Variants in ACTB observed in about 807,000 individuals in gnomAD.
ACTB encodes the protein actin beta, also known as actin, cytoplasmic 1.
In ACTB, 2 loss-of-function variants were observed where a neutral mutation model predicts 30.5. The observed-to-expected ratio is 0.07, with a 90% CI of 0.03 to 0.21. The LOEUF (loss-of-function observed/expected upper bound fraction) is 0.21, where lower values mean the gene tolerates loss of function less well. ACTB is among the 10% of genes least tolerant of loss of function. The pLI is 1.00. For synonymous variants in ACTB, 335 were observed against 217.6 expected (o/e 1.54, Z -4.75); for missense variants, 56 against 530.0 (o/e 0.11, Z 8.78).
Position 5,527,280 on chromosome 7 carries a change from A to AG in ACTB, c.*467dup, listed in dbSNP as rs567790396. 69 of 243,684 alleles carry AG rather than the reference A, an allele frequency of 2.8e-4. No homozygotes were observed. Among genetic ancestry groups the AG allele is most frequent in the African/African-American group, 7.3e-4 (31 of 42,242 alleles). 15.1% of individuals were successfully genotyped at this position (243,684 alleles called of 1,614,324 possible). On this transcript the variant is annotated 3_prime_UTR_variant, in exon 6 of 6. Coordinates refer to ENST00000646664, the MANE Select transcript of ACTB (RefSeq NM_001101.5). ...CAAGTTGGGGGACAAAAAAGGGGGA[A>AG]GGGGGGGCACGAAGGCTCATCATTC...
chr7:5,530,305 GCGCGCCTCCCGAGCGCGGCCT>G (rs952400815), intron 1 of ACTB, among the ~76,000 whole-genome samples, 198 bp downstream of exon 1: 4 of 152,062 alleles, frequency 2.6e-5, no homozygotes, highest in Admixed American at 6.5e-5. Flanking sequence ...CACCCCCGGA[GCGCGCCTCCCGAGCGCGGCCT>G]CGCGCCTCCG....
intron 4 of ACTB, 22 bp from the exon 5 acceptor site, chr7:5,528,207 G>C (rs375036292): frequency 6.8e-6 from 11 of 1,613,782 alleles, no homozygotes; most frequent in Non-Finnish European, 2.5e-6. Context: ...ATGAGGGCAG[G>C]ACTTAGCTTC....
rs200855679 is a variant in ACTB at position 5,528,750 on chromosome 7, G to A, written c.364-31C>T. The A allele has an allele frequency of 4.5e-5, 73 of 1,610,974 alleles. No homozygotes were observed. The African/African-American group carries it at 7.7e-4, about 17-fold the overall frequency. On this transcript the variant is annotated intron_variant, in intron 3 of 5. Coordinates refer to ENST00000646664, the MANE Select transcript of ACTB (RefSeq NM_001101.5). ...AGGCAGAGATACACCATGTCACACTGGGGAAGCCACTGGGGACAGCCAGGC... is the reference window on the plus strand; with the variant it reads ...AGGCAGAGATACACCATGTCACACTAGGGAAGCCACTGGGGACAGCCAGGC...
chr7:5,529,433 G>A (rs774497637), intron 2 of ACTB, 33 bp from the exon 3 acceptor site: 2 of 1,613,662 alleles, frequency 1.2e-6, no homozygotes, highest in South Asian at 1.1e-5. Flanking sequence ...CCCTGAGCAC[G>A]GGCGCAGCCC....
rs1343718957 is a variant in ACTB at position 5,527,537 on chromosome 7, C to T, written c.*211G>A. ...AACAACAATGTGCAATCAAAGTCCT[C>T]GGCCACATTGTGAACTTTGGGGGAT... On this transcript the variant is annotated 3_prime_UTR_variant, in exon 6 of 6. Transcript: ENST00000646664. The T allele has an allele frequency of 1.2e-5, 9 of 740,948 alleles. No homozygotes were observed. Among genetic ancestry groups the T allele is most frequent in the Middle Eastern group, 3.9e-4 (1 of 2,552 alleles). 45.9% of individuals were successfully genotyped at this position (740,948 alleles called of 1,614,324 possible).
intron 3 of ACTB, 121 bp downstream of exon 3, chr7:5,529,029 CCAAAGGAGACT>C: frequency 1.2e-6 from 2 of 1,612,122 alleles, no homozygotes; most frequent in South Asian, 2.2e-5. Context: ...CTGCAGAGTT[CCAAAGGAGACT>C]CAGGTCAGAG....
chr7:5,529,874 C>T (rs1490866041), intron 1 of ACTB: 7 of 802,312 alleles, frequency 8.7e-6, no homozygotes, highest in Admixed American at 2.2e-5. Context: ...CCAACCCCCT[C>T]CCAACCGGGC....
chr7:5,528,761 T>C lies in ACTB; in HGVS notation c.364-42A>G, dbSNP rs1210606551. ...CACCATGTCACACTGGGGAAGCCAC[T>C]GGGGACAGCCAGGCCAGACGGGGGA... On this transcript the variant is annotated intron_variant, in intron 3 of 5. Transcript: ENST00000646664. The C allele has an allele frequency of 3.1e-6, 5 of 1,605,056 alleles. No individual in the cohort carries two copies. The African/African-American group carries it at 5.4e-5, about 17-fold the overall frequency.
Position 5,529,710 on chromosome 7 carries a change from T to C in ACTB, c.-6-47A>G. The C allele has an allele frequency of 2.5e-6, 4 of 1,609,558 alleles. No homozygotes were observed. In the South Asian group the frequency reaches 3.3e-5, roughly 13 times the overall value. ...CTGTGAGCCGAGGTCGCCCCCGCCC[T>C]GGCCACTTCCGGCGCGCCGAGTCCT... On this transcript the variant is annotated intron_variant, in intron 1 of 5. Transcript: ENST00000646664.
intron 3 of ACTB, 55 bp from the exon 4 acceptor site, chr7:5,528,774 GC>G: frequency 1.3e-6 from 2 of 1,586,608 alleles, no homozygotes; most frequent in Middle Eastern, 1.7e-4. Flanking sequence ...GGACAGCCAG[GC>G]CAGACGGGGG....
In ACTB at chr7:5,527,838, C is replaced by T. The variant is rs1397721512; in HGVS notation, c.1038G>A (p.Leu346=). 1 of 1,612,430 alleles carries T rather than the reference C, an allele frequency of 6.2e-7. No individual in the cohort carries two copies. The highest frequency in any genetic ancestry group is 8.5e-7 in the Non-Finnish European group (1 of 1,179,524). Residue 346 remains leucine, a synonymous_variant, in exon 6 of 6, where the codon CTG becomes CTA. Transcript: ENST00000646664. ...KYSVWIGGSI[L]ASLSTFQQMW... ...TCTGCTGGAAGGTGGACAGCGAGGC[C>T]AGGATGGAGCCGCCGATCCACACGG...
intron 1 of ACTB, 48 bp from the exon 2 acceptor site, chr7:5,529,711 G>A (rs1207486437): frequency 1.9e-6 from 3 of 1,609,148 alleles, no homozygotes; most frequent in African/African-American, 1.3e-5. Flanking sequence ...CCCCCGCCCT[G>A]GCCACTTCCG....
At chr7:5,529,726 G>A (rs1299645614) in intron 1 of ACTB, 63 bp from the exon 2 acceptor site, 11 of 1,607,144 alleles carry the variant, frequency 6.8e-6, no homozygotes, top group East Asian at 4.5e-5. Flanking sequence ...CTTCCGGCGC[G>A]CCGAGTCCTT....
At position 5,528,444 on chromosome 7, in the gene ACTB, C is replaced by T. The variant is rs1333956178; in HGVS notation, c.639G>A (p.Lys213=). ...CCAGGGCGACGTAGCACAGCTTCTC[C>T]TTAATGTCACGCACGATTTCCCGCT... ...TAEREIVRDI[K]EKLCYVALDF... The change falls in exon 4 of 6, where the codon AAG becomes AAA. Residue 213 remains lysine (K), a synonymous_variant. Coordinates refer to ENST00000646664, the MANE Select transcript of ACTB (RefSeq NM_001101.5). The T allele has an allele frequency of 3.1e-6, 5 of 1,614,030 alleles. No individual in the cohort carries two copies. Among genetic ancestry groups the T allele is most frequent in the Non-Finnish European group, 3.4e-6 (4 of 1,180,052 alleles).
rs797044950 is a variant in ACTB, at chr7:5,528,546, G to A, written c.537C>T (p.Asp179=). 3.1e-6 allele frequency: 5 copies of A among 1,613,918 alleles called. No individual in the cohort carries two copies. Among genetic ancestry groups the A allele is most frequent in the Middle Eastern group, 1.6e-4 (1 of 6,084 alleles). Residue 179 remains aspartate, a synonymous_variant, in exon 4 of 6, where the codon GAC becomes GAT. Coordinates refer to ENST00000646664, the MANE Select transcript of ACTB (RefSeq NM_001101.5). ...AGTCAGTCAGGTCCCGGCCAGCCAGGTCCAGACGCAGGATGGCATGGGGGA... is the reference window on the plus strand; with the variant it reads ...AGTCAGTCAGGTCCCGGCCAGCCAGATCCAGACGCAGGATGGCATGGGGGA... ...YALPHAILRL[D]LAGRDLTDYL...
chr7:5,528,591 G>A lies in ACTB; in HGVS notation c.492C>T (p.Pro164=), dbSNP rs1784814781. ...GGGGGAGGGCATACCCCTCGTAGATGGGCACAGTGTGGGTGACCCCGTCAC... is the reference window on the plus strand; with the variant it reads ...GGGGGAGGGCATACCCCTCGTAGATAGGCACAGTGTGGGTGACCCCGTCAC... ...DSGDGVTHTV[P]IYEGYALPHA... is the part of the protein sequence containing the mutation. The change falls in exon 4 of 6, where the codon CCC becomes CCT. Residue 164 remains proline (P), a synonymous_variant. Transcript: ENST00000646664. 1.9e-6 allele frequency: 3 copies of A among 1,613,900 alleles called. No homozygotes were observed. The highest frequency in any genetic ancestry group is 1.3e-5 in the African/African-American group (1 of 74,940).
At chr7:5,528,900 C>CCTCATG in intron 3 of ACTB, 181 bp from the exon 4 acceptor site, 1 of 1,432,420 alleles carries the variant, frequency 7.0e-7, no homozygotes. Flanking sequence ...TTTACACCAG[C>CCTCATG]CTCATGGCCT....
chr7:5,529,050 G>A lies in ACTB; in HGVS notation c.363+111C>T, dbSNP rs1378986902. ...AGTTCCAAAGGAGACTCAGGTCAGA[G>A]AAGAGAGTCCTACGGAAAACGGCAG... On this transcript the variant is annotated intron_variant, in intron 3 of 5. Transcript: ENST00000646664. 11 of 1,613,072 alleles carry A rather than the reference G, an allele frequency of 6.8e-6. No homozygotes were observed. In the East Asian group the frequency reaches 1.1e-4, roughly 16 times the overall value.
chr7:5,527,897 G>A lies in ACTB; in HGVS notation c.985-6C>T, dbSNP rs182943508. 722 of 1,612,984 alleles carry A rather than the reference G, an allele frequency of 4.5e-4. 5 individuals are homozygous for A. The African/African-American group carries it at 8.7e-3, about 20-fold the overall frequency. The stretch of plus-strand genomic sequence containing the variant: ...CGCTCAGGAGGAGCAATGATCTGAG[G>A]AGGGAAGGGGACAGGCAGTGAGGAC... On this transcript the variant is annotated splice_polypyrimidine_tract_variant and splice_region_variant and intron_variant, in intron 5 of 5. Coordinates refer to ENST00000646664, the MANE Select transcript of ACTB (RefSeq NM_001101.5).
Sources: gnomAD v4.1 joint callset for allele counts (sites outside exome capture counted in the v4.1 genomes callset) on GRCh38, gnomAD v4.1.1 for gene constraint, MANE v1.5 for transcripts, NCBI Gene and HGNC (gene_info 2026-07-23, HGNC 2026-07-21) for gene names.